Variants in PDE4D observed in about 807,000 individuals in gnomAD.
The protein encoded by PDE4D is phosphodiesterase 4D.
A neutral mutation model predicts 87.4 loss-of-function variants in PDE4D; 24 were observed. The observed-to-expected ratio is 0.27, with a 90% CI of 0.20 to 0.39. PDE4D has a LOEUF of 0.39. Among genes scored for constraint, PDE4D ranks in the 10% least tolerant of loss-of-function variants. The pLI is 1.00. For synonymous variants in PDE4D, 384 were observed against 383.2 expected (o/e 1.00, Z -0.02); for missense variants, 714 against 1,041.0 (o/e 0.69, Z 4.32).
intron 2 of PDE4D, among the ~76,000 whole-genome samples, chr5:60,164,161 C>T (rs1452890287): frequency 6.6e-6 from 1 of 152,032 alleles, no homozygotes; most frequent in Non-Finnish European, 1.5e-5. Flanking sequence ...TCTTCTCAAA[C>T]TCTCAATATG....
rs1004105761 is a variant in PDE4D at position 59,931,847 on chromosome 5, A to G, written c.272+56641T>C. Among the ~76,000 whole-genome samples the G allele has an allele frequency of 1.2e-3, 183 of 151,926 alleles. 2 individuals carry two copies. The highest frequency in any genetic ancestry group is 6.8e-3 in the Middle Eastern group (2 of 294). On this transcript the variant is annotated intron_variant, in intron 3 of 16. Coordinates refer to the PDE4D transcript ENST00000502484. ...CTCCTGAGTAGCTAGGACTACAGGC[A>G]CCTGCCACCATACCCGGCTAATTTT...
intron 1 of PDE4D, among the ~76,000 whole-genome samples, chr5:59,222,771 T>G (rs966113558): frequency 1.3e-5 from 2 of 152,226 alleles, no homozygotes; most frequent in African/African-American, 4.8e-5. Context: ...CCTATTTGGG[T>G]GCTCTAGGGC....
chr5:59,689,469 C>T (rs1220152083), intron 1 of PDE4D, among the ~76,000 whole-genome samples: 1 of 152,080 alleles, frequency 6.6e-6, no homozygotes, highest in African/African-American at 2.4e-5. Context: ...AAGACAAAAG[C>T]CACATGATTC....
intron 1 of PDE4D, among the ~76,000 whole-genome samples, chr5:60,387,053 T>G (rs1412062438): frequency 6.6e-6 from 1 of 152,218 alleles, no homozygotes; most frequent in Admixed American, 6.5e-5. Flanking sequence ...GTTTTAACAT[T>G]GGGTGTTGCC....
intron 1 of PDE4D, among the ~76,000 whole-genome samples, chr5:59,860,597 C>T: frequency 6.6e-6 from 1 of 152,072 alleles, no homozygotes; most frequent in East Asian, 1.9e-4. Context: ...GGTTTAAATC[C>T]TAAAAGACCA....
At chr5:59,572,206 C>A (rs1478422490) in intron 1 of PDE4D, among the ~76,000 whole-genome samples, 1 of 152,136 alleles carries the variant, frequency 6.6e-6, no homozygotes, top group Non-Finnish European at 1.5e-5. Context: ...GGTTGTATCA[C>A]CCTGTAAGAC....
intron 5 of PDE4D, among the ~76,000 whole-genome samples, chr5:59,148,753 C>T (rs1021046530): frequency 3.9e-5 from 3 of 77,546 alleles, no homozygotes; most frequent in Admixed American, 1.6e-4. Flanking sequence ...AAATATATAG[C>T]GGTGTGTGTG....
At position 58,970,586 on chromosome 5, in the gene PDE4D, T is replaced by C. The variant is rs1742435139; in HGVS notation, c.*4078A>G. Reference sequence around the variant, plus strand: ...TTTTGCAGAAACAAATCTTAGAGGATAGTGAATGCTTTCTGCTATGTAAAC... The same window carrying C: ...TTTTGCAGAAACAAATCTTAGAGGACAGTGAATGCTTTCTGCTATGTAAAC... On this transcript the variant is annotated 3_prime_UTR_variant, in exon 15 of 15. Transcript: ENST00000340635. 6.6e-6 allele frequency: 1 copy of C among 152,158 alleles called. No homozygotes were observed. The highest frequency in any genetic ancestry group is 2.1e-4 in the South Asian group (1 of 4,828). The allele number at this position is 152,158 out of a possible 1,614,324, so 9.4% of individuals were successfully genotyped here.
At position 59,923,038 on chromosome 5, in the gene PDE4D, G is replaced by T. The variant is rs1324342684; in HGVS notation, c.272+65450C>A. On this transcript the variant is annotated intron_variant, in intron 3 of 16. Coordinates refer to the PDE4D transcript ENST00000502484. The stretch of plus-strand genomic sequence containing the variant: ...ACCACAAGCTGACTGAAGAGCTACT[G>T]GATCTTGAGTAAACACTGGCAGTAG... Among the ~76,000 whole-genome samples the T allele has an allele frequency of 2.0e-5, 3 of 152,104 alleles. No homozygotes were observed. The East Asian group carries it at 5.8e-4, about 29-fold the overall frequency.
intron 1 of PDE4D, among the ~76,000 whole-genome samples, chr5:59,849,607 A>G (rs894716158): frequency 5.9e-5 from 9 of 151,910 alleles, no homozygotes; most frequent in African/African-American, 2.2e-4. Flanking sequence ...CTAAAGGTCA[A>G]ATTTCTTAAA....
chr5:59,440,109 C>A (rs1797375232), intron 1 of PDE4D, among the ~76,000 whole-genome samples: 1 of 152,052 alleles, frequency 6.6e-6, no homozygotes, highest in Non-Finnish European at 1.5e-5. Context: ...TGATTCATTC[C>A]TTTCTTGATA....
intron 1 of PDE4D, among the ~76,000 whole-genome samples, chr5:59,566,568 GTGTGTGTGTGTGTGTGAGAGAA>G (rs1353758196): frequency 3.3e-5 from 5 of 151,410 alleles, no homozygotes; most frequent in African/African-American, 9.7e-5. Context: ...GTGTGTGTGT[GTGTGTGTGTGTGTGTGAGAGAA>G]TGAGAGAGAG....
chr5:59,275,721 C>A, intron 1 of PDE4D: 1 of 1,056,220 alleles, frequency 9.5e-7, no homozygotes, highest in South Asian at 4.2e-5. Context: ...ACAAGGGAAA[C>A]CAGCATAGTG....
At chr5:59,519,244 C>T (rs763066194) in intron 1 of PDE4D, among the ~76,000 whole-genome samples, 3 of 152,184 alleles carry the variant, frequency 2.0e-5, no homozygotes, top group Non-Finnish European at 2.9e-5. Context: ...AGCCCTTGCC[C>T]TTATAGAGCT....
intron 5 of PDE4D, among the ~76,000 whole-genome samples, chr5:59,073,314 T>C (rs1267917021): frequency 6.6e-6 from 1 of 152,064 alleles, no homozygotes; most frequent in Non-Finnish European, 1.5e-5. Flanking sequence ...GGTTCAGATC[T>C]AAAGAGCAGA....
chr5:60,008,876 T>C (rs1764739010), intron 2 of PDE4D, among the ~76,000 whole-genome samples: 1 of 152,006 alleles, frequency 6.6e-6, no homozygotes, highest in Non-Finnish European at 1.5e-5. Context: ...CTTATTATAT[T>C]TACCTCTCCC....
intron 1 of PDE4D, among the ~76,000 whole-genome samples, chr5:59,228,439 C>A (rs4699937): frequency 0.32 from 47,132 of 148,224 alleles, 7,908 homozygotes; most frequent in East Asian, 0.43. Context: ...ACAACAACAA[C>A]AAAAAAAAAA....
chr5:59,562,961 G>GCT (rs1427362138), intron 1 of PDE4D, among the ~76,000 whole-genome samples: 2 of 152,098 alleles, frequency 1.3e-5, no homozygotes, highest in African/African-American at 4.8e-5. Flanking sequence ...TAGCCCAGAG[G>GCT]CTCTGTCTCA....
chr5:60,084,399 T>A (rs1366333673), intron 2 of PDE4D, among the ~76,000 whole-genome samples: 1 of 151,908 alleles, frequency 6.6e-6, no homozygotes, highest in Non-Finnish European at 1.5e-5. Flanking sequence ...CGTGTGTGTG[T>A]GTGTGTGCGC....
Sources: gnomAD v4.1 joint callset for allele counts (sites outside exome capture counted in the v4.1 genomes callset) on GRCh38, gnomAD v4.1.1 for gene constraint, MANE v1.5 for transcripts, NCBI Gene and HGNC (gene_info 2026-07-23, HGNC 2026-07-21) for gene names.